Variants in KCND2 observed in about 807,000 individuals in gnomAD.
The protein encoded by KCND2 is A-type voltage-gated potassium channel KCND2.
A neutral mutation model predicts 54.4 loss-of-function variants in KCND2; 16 were observed. That is an observed-to-expected ratio of 0.29 (90% CI 0.20 to 0.45). KCND2 has a LOEUF of 0.45. Ranked by LOEUF, KCND2 falls within the 20% of genes least tolerant of loss-of-function variation. The pLI, the probability that KCND2 is intolerant of heterozygous loss-of-function variation, is 1.00. For missense variants in KCND2, 486 were observed against 824.2 expected (o/e 0.59, Z 5.02); for synonymous variants, 317 against 310.7 (o/e 1.02, Z -0.21).
At chr7:120,741,457 A>C in intron 2 of KCND2, 77 bp from the exon 3 acceptor site, 1 of 975,606 alleles carries the variant, frequency 1.0e-6, no homozygotes, top group Non-Finnish European at 1.7e-6. Context: ...TGACAATAGG[A>C]TTATACAAGG....
At position 120,324,661 on chromosome 7, in the gene KCND2, C is replaced by T. The variant is rs1378610913; in HGVS notation, c.1115+48914C>T. Among the ~76,000 whole-genome samples, 3 of 150,784 alleles carry T rather than the reference C, an allele frequency of 2.0e-5. No homozygotes were observed. The East Asian group carries it at 5.9e-4, about 29-fold the overall frequency. On this transcript the variant is annotated intron_variant, in intron 1 of 5. Transcript: ENST00000331113. ...TCTGTTCTGTTCCATTGATCTATAA[C>T]TCTGTTTTGGTACCAGTACCATGCT... is the stretch of plus-strand genomic sequence containing the variant.
At chr7:120,543,483 T>C (rs146140597) in intron 1 of KCND2, among the ~76,000 whole-genome samples, 17 of 152,198 alleles carry the variant, frequency 1.1e-4, no homozygotes, top group African/African-American at 3.1e-4. Context: ...AAGAAAAATG[T>C]AGTTAAAAAT....
At chr7:120,731,639 G>A (rs1003915229) in intron 1 of KCND2, among the ~76,000 whole-genome samples, 1 of 152,202 alleles carries the variant, frequency 6.6e-6, no homozygotes, top group Non-Finnish European at 1.5e-5. Context: ...TAAAACCAAA[G>A]TTCTGGCTGC....
chr7:120,680,948 T>A (rs1792131012), intron 1 of KCND2, among the ~76,000 whole-genome samples: 1 of 152,076 alleles, frequency 6.6e-6, no homozygotes, highest in African/African-American at 2.4e-5. Context: ...AAATCCTGAG[T>A]GACATGCTAA....
At chr7:120,636,649 T>G (rs1490079384) in intron 1 of KCND2, among the ~76,000 whole-genome samples, 2 of 152,126 alleles carry the variant, frequency 1.3e-5, no homozygotes, top group Non-Finnish European at 2.9e-5. Flanking sequence ...CCCACATATT[T>G]GCTTTGCCTA....
intron 1 of KCND2, among the ~76,000 whole-genome samples, chr7:120,650,433 G>T (rs963693616): frequency 1.4e-5 from 2 of 142,702 alleles, no homozygotes; most frequent in Non-Finnish European, 3.0e-5. Context: ...TGCATTTGTC[G>T]TGTAGTTCTC....
chr7:120,606,589 C>G (rs13241174), intron 1 of KCND2, among the ~76,000 whole-genome samples: 117,108 of 151,844 alleles, frequency 0.77, 46,703 homozygotes, highest in Middle Eastern at 0.92. Context: ...TTTTCTTGAG[C>G]ATCCAACTGT....
chr7:120,467,649 A>G (rs565329476), intron 1 of KCND2, among the ~76,000 whole-genome samples: 2 of 152,254 alleles, frequency 1.3e-5, no homozygotes, highest in East Asian at 3.9e-4. Context: ...AAAATGGTCA[A>G]TTGGAGGTCG....
chr7:120,443,960 T>C (rs7783876), intron 1 of KCND2, among the ~76,000 whole-genome samples: 3,463 of 152,152 alleles, frequency 0.023, 142 homozygotes, highest in African/African-American at 0.079. Flanking sequence ...CCCTTCAAGA[T>C]CTGCTCTTGA....
At chr7:120,542,364 TTTTA>T (rs1288653806) in intron 1 of KCND2, among the ~76,000 whole-genome samples, 1 of 152,170 alleles carries the variant, frequency 6.6e-6, no homozygotes, top group East Asian at 1.9e-4. Flanking sequence ...TCTGGCTCAT[TTTTA>T]TGTCACCTTA....
intron 1 of KCND2, among the ~76,000 whole-genome samples, chr7:120,403,380 G>A (rs948465149): frequency 2.0e-5 from 3 of 151,090 alleles, no homozygotes; most frequent in Non-Finnish European, 2.9e-5. Flanking sequence ...AAAGTGGTGC[G>A]ATCATGGCTT....
At chr7:120,741,334 G>A (rs915527489) in intron 2 of KCND2, among the ~76,000 whole-genome samples, 200 bp from the exon 3 acceptor site, 4 of 152,142 alleles carry the variant, frequency 2.6e-5, no homozygotes, top group Non-Finnish European at 5.9e-5. Flanking sequence ...CTCCAAGGTA[G>A]TTCATTGATT....
chr7:120,340,410 C>G (rs1344560262), intron 1 of KCND2, among the ~76,000 whole-genome samples: 1 of 152,106 alleles, frequency 6.6e-6, no homozygotes, highest in Admixed American at 6.6e-5. Flanking sequence ...TTGCCATCCA[C>G]CTATGTGAGA....
chr7:120,387,117 T>C (rs1801000550), intron 1 of KCND2, among the ~76,000 whole-genome samples: 1 of 152,072 alleles, frequency 6.6e-6, no homozygotes, highest in Non-Finnish European at 1.5e-5. Context: ...AACAAACACT[T>C]CTAATCTGTT....
chr7:120,534,916 A>T (rs1318700543), intron 1 of KCND2, among the ~76,000 whole-genome samples: 1 of 152,194 alleles, frequency 6.6e-6, no homozygotes, highest in Non-Finnish European at 1.5e-5. Context: ...TAATATTTTT[A>T]AATGAAAAGT....
At chr7:120,335,178 C>A (rs1230147770) in intron 1 of KCND2, among the ~76,000 whole-genome samples, 2 of 151,882 alleles carry the variant, frequency 1.3e-5, no homozygotes, top group Non-Finnish European at 2.9e-5. Flanking sequence ...CAGACTGCAA[C>A]ATGGTGAAAC....
chr7:120,302,664 A>G (rs1434556993), intron 1 of KCND2, among the ~76,000 whole-genome samples: 1 of 152,250 alleles, frequency 6.6e-6, no homozygotes, highest in African/African-American at 2.4e-5. Context: ...AAAGAGTGAT[A>G]TACAAACAAC....
chr7:120,323,065 G>A (rs1310668744), intron 1 of KCND2, among the ~76,000 whole-genome samples: 1 of 151,998 alleles, frequency 6.6e-6, no homozygotes, highest in East Asian at 1.9e-4. Flanking sequence ...GTGCTATGGT[G>A]GTTTGCTGCA....
At chr7:120,333,702 T>C (rs569192116) in intron 1 of KCND2, among the ~76,000 whole-genome samples, 16 of 152,254 alleles carry the variant, frequency 1.1e-4, no homozygotes, top group Admixed American at 5.9e-4. Flanking sequence ...TATACTATTA[T>C]TTTGATCAAA....
Sources: allele counts gnomAD v4.1 joint callset (sites outside exome capture counted in the v4.1 genomes callset), GRCh38; gene constraint gnomAD v4.1.1; transcripts MANE v1.5; gene names NCBI Gene and HGNC (gene_info 2026-07-23, HGNC 2026-07-21).